GP6: variants seen among roughly 807,000 people sequenced by gnomAD.
The protein encoded by GP6 is platelet glycoprotein VI.
A neutral mutation model predicts 37.3 loss-of-function variants in GP6; 45 were observed. The ratio of observed to expected loss-of-function variants is 1.21; its 90% confidence interval spans 0.95 to 1.55. GP6 has a LOEUF of 1.55. Ranked by LOEUF, GP6 falls within the 40% of genes most tolerant of loss-of-function variation. GP6 has a pLI of 0.00. For synonymous variants in GP6, 340 were observed against 316.4 expected (o/e 1.07, Z -0.79); for missense variants, 813 against 760.2 (o/e 1.07, Z -0.82).
intron 5 of GP6, among the ~76,000 whole-genome samples, chr19:55,024,365 T>C (rs555720932): frequency 0.18 from 20,799 of 113,424 alleles, 2,148 homozygotes; most frequent in Non-Finnish European, 0.27. Flanking sequence ...CACACACATA[T>C]GCACGCACAC....
At chr19:55,032,433 G>T (rs1427215436) in intron 2 of GP6, 37 bp from the exon 3 acceptor site, 24 of 1,611,678 alleles carry the variant, frequency 1.5e-5, no homozygotes, top group East Asian at 8.9e-5. Context: ...CCTCCCCGCA[G>T]ACCCCGCCTG....
chr19:55,024,834 T>A (rs774417342), intron 5 of GP6, among the ~76,000 whole-genome samples: 266 of 152,302 alleles, frequency 1.7e-3, no homozygotes, highest in Non-Finnish European at 2.0e-3. Context: ...CGCTGATCAA[T>A]GCATTCAGTG....
intron 6 of GP6, among the ~76,000 whole-genome samples, 180 bp downstream of exon 6, chr19:55,018,472 C>G (rs974186230): frequency 2.0e-5 from 3 of 152,248 alleles, no homozygotes; most frequent in African/African-American, 4.8e-5. Flanking sequence ...CCAAAACGCT[C>G]CTCCTTCTGA....
chr19:55,028,866 G>C lies in GP6; in HGVS notation c.326-1004C>G, dbSNP rs141370124. ...AACAAAGGTTGAGGCTGGGTGCGGC[G>C]GCTCACACCGGTCATCCCAGCACTT... On this transcript the variant is annotated intron_variant, in intron 3 of 7. Coordinates refer to ENST00000310373, the MANE Select transcript of GP6 (RefSeq NM_001083899.2). 5.6e-3 allele frequency among the ~76,000 whole-genome samples: 858 copies of C among 152,150 alleles called. 4 individuals carry two copies. The highest frequency in any genetic ancestry group is 0.012 in the South Asian group (56 of 4,820).
At position 55,024,300 on chromosome 19, in the gene GP6, G is replaced by GCACACACA. The variant is rs369345826; in HGVS notation, c.664+910_664+917dup. 3.3e-5 allele frequency among the ~76,000 whole-genome samples: 4 copies of GCACACACA among 121,974 alleles called. No homozygotes were observed. In the South Asian group the frequency reaches 1.1e-3, roughly 32 times the overall value. The allele number at this position is 121,974 out of a possible 152,430, so 80.0% of individuals were successfully genotyped here. On this transcript the variant is annotated intron_variant, in intron 5 of 7. Transcript: ENST00000310373. ...TGCACACACACACATATGCACGCAT[G>GCACACACA]CACACACATATGCACGCACACACAC...
At chr19:55,024,495 G>C (rs914356766) in intron 5 of GP6, among the ~76,000 whole-genome samples, 6 of 152,110 alleles carry the variant, frequency 3.9e-5, no homozygotes, top group African/African-American at 1.4e-4. Context: ...CTCCTGCCTT[G>C]GTGCTTCACT....
chr19:55,027,933 C>G (rs1036824885), intron 3 of GP6, 71 bp from the exon 4 acceptor site: 2 of 1,481,612 alleles, frequency 1.3e-6, no homozygotes, highest in African/African-American at 2.8e-5. Flanking sequence ...GAGGTCCCCA[C>G]ACCTGCCTAA....
At chr19:55,034,128 ATG>A (rs1264552418) in intron 1 of GP6, among the ~76,000 whole-genome samples, 10 of 144,164 alleles carry the variant, frequency 6.9e-5, no homozygotes, top group South Asian at 4.4e-4. Flanking sequence ...GTGTATATGT[ATG>A]TATATGTATA....
At position 55,024,282 on chromosome 19, in the gene GP6, A is replaced by ACACATG. The variant is rs1471713548; in HGVS notation, c.664+935_664+936insCATGTG. On this transcript the variant is annotated intron_variant, in intron 5 of 7. Transcript: ENST00000310373. Reference sequence around the variant, plus strand: ...CGCACACATATGCACGCATGCACACACACACATATGCACGCATGCACACAC... The same window carrying ACACATG: ...CGCACACATATGCACGCATGCACACACACATGCACACATATGCACGCATGCACACAC... Among the ~76,000 whole-genome samples the ACACATG allele has an allele frequency of 2.8e-3, 200 of 70,838 alleles. 2 individuals carry two copies. The East Asian group carries it at 0.073, about 26-fold the overall frequency. The allele number at this position is 70,838 out of a possible 152,430, so 46.5% of individuals were successfully genotyped here.
At chr19:55,015,208 C>T in intron 7 of GP6, 43 bp from the exon 8 acceptor site, 3 of 1,550,088 alleles carry the variant, frequency 1.9e-6, no homozygotes, top group Non-Finnish European at 2.6e-6. Flanking sequence ...AAGAGCCCAC[C>T]TCCAGGACCC....
chr19:55,035,681 C>T (rs184157871), intron 1 of GP6, among the ~76,000 whole-genome samples: 28 of 151,620 alleles, frequency 1.8e-4, no homozygotes, highest in African/African-American at 4.8e-4. Context: ...CATGCCACTG[C>T]GCTCCAGTCT....
intron 5 of GP6, among the ~76,000 whole-genome samples, chr19:55,019,852 G>A (rs1195485208): frequency 6.7e-6 from 1 of 149,712 alleles, no homozygotes; most frequent in African/African-American, 2.4e-5. Context: ...TAATTTTTTT[G>A]TATTTTCAGT....
At chr19:55,015,627 C>A in intron 7 of GP6, 56 bp downstream of exon 7, 2 of 1,081,578 alleles carry the variant, frequency 1.8e-6, no homozygotes, top group Non-Finnish European at 2.9e-6. Context: ...AAGGAGTTGG[C>A]TTTGGTGAAG....
chr19:55,032,097 G>C, intron 3 of GP6, 42 bp downstream of exon 3: 2 of 1,603,700 alleles, frequency 1.2e-6, no homozygotes, highest in Middle Eastern at 3.9e-4. Context: ...TGTCCTGAAC[G>C]GAGGACCACG....
rs565133880 is a variant in GP6 at position 55,015,738 on chromosome 19, G to C, written c.725-5C>G. ...CGGTGATACTCCTAGAAGTCTCTGG[G>C]AACCAAACAAAGGCTAAGTGTGAAA... On this transcript the variant is annotated splice_region_variant and splice_polypyrimidine_tract_variant and intron_variant, in intron 6 of 7. Coordinates refer to ENST00000310373, the MANE Select transcript of GP6 (RefSeq NM_001083899.2). 6.5e-7 allele frequency: 1 copy of C among 1,526,810 alleles called. No homozygotes were observed. The highest frequency in any genetic ancestry group is 9.1e-7 in the Non-Finnish European group (1 of 1,099,818). 94.6% of individuals were successfully genotyped at this position (1,526,810 alleles called of 1,614,324 possible).
rs1391804827 is a variant in GP6, at chr19:55,025,267, G to C, written c.615C>G (p.Thr205=). The C allele has an allele frequency of 1.3e-6, 2 of 1,544,166 alleles. No homozygotes were observed. Among genetic ancestry groups the C allele is most frequent in the Non-Finnish European group, 1.8e-6 (2 of 1,140,062 alleles). The change falls in exon 5 of 8, where the codon ACC becomes ACG. Residue 205 remains threonine (T), a synonymous_variant. Coordinates refer to ENST00000310373, the MANE Select transcript of GP6 (RefSeq NM_001083899.2). ...TTGGTAACCGGCTGGGGGTCACAGA[G>C]GTTCCTGGGAAATCAGAAAATGAGA... is the stretch of plus-strand genomic sequence containing the variant.
At chr19:55,031,505 C>T (rs1444105636) in intron 3 of GP6, among the ~76,000 whole-genome samples, 1 of 152,194 alleles carries the variant, frequency 6.6e-6, no homozygotes, top group Non-Finnish European at 1.5e-5. Flanking sequence ...CGTTTTGGCA[C>T]AGACTCTGGT....
At chr19:55,035,133 T>C (rs984134127) in intron 1 of GP6, among the ~76,000 whole-genome samples, 6 of 152,150 alleles carry the variant, frequency 3.9e-5, no homozygotes, top group African/African-American at 9.7e-5. Flanking sequence ...TCCCCTCTTA[T>C]ACATCAGGCT....
intron 6 of GP6, among the ~76,000 whole-genome samples, chr19:55,017,690 A>G (rs1048091603): frequency 6.6e-6 from 1 of 152,132 alleles, no homozygotes; most frequent in Non-Finnish European, 1.5e-5. Context: ...CTAAGCTCAC[A>G]GAATAGCAAG....
Sources: allele counts gnomAD v4.1 joint callset (sites outside exome capture counted in the v4.1 genomes callset), GRCh38; gene constraint gnomAD v4.1.1; transcripts MANE v1.5; gene names NCBI Gene and HGNC (gene_info 2026-07-23, HGNC 2026-07-21).